The following HAPLN1 variants were observed in gnomAD, a reference collection of about 807,000 sequenced individuals.
HAPLN1 encodes the protein hyaluronan and proteoglycan link protein 1.
HAPLN1 carries 13 observed loss-of-function variants against 36.5 expected under a neutral mutation model. The ratio of observed to expected loss-of-function variants is 0.36; its 90% CI spans 0.23 to 0.57. The LOEUF (loss-of-function observed/expected upper bound fraction) is 0.57. HAPLN1 is among the 20% of genes least tolerant of loss of function. The pLI, the probability that HAPLN1 is intolerant of heterozygous loss-of-function variation, is 0.83. For missense variants in HAPLN1, 407 were observed against 439.7 expected (o/e 0.93, Z 0.66); for synonymous variants, 202 against 169.8 (o/e 1.19, Z -1.48).
intron 1 of HAPLN1, among the ~76,000 whole-genome samples, chr5:83,696,193 A>C (rs562857915): frequency 6.6e-6 from 1 of 152,276 alleles, no homozygotes; most frequent in South Asian, 2.1e-4. Flanking sequence ...TTTAGGGAAA[A>C]ATAGCCAACA....
chr5:83,641,565 C>A lies in HAPLN1; in HGVS notation c.996G>T (p.Val332=), dbSNP rs1263265784. Residue 332 remains valine (V), a synonymous_variant, in exon 5 of 5, where the codon GTG becomes GTT. Transcript: ENST00000274341. ...TTTTATCTGGGAAACCCACGAAGCG[C>A]ACTGCAGCCTCAGTAGGACTGCAGC... ...RRRCSPTEAA[V]RFVGFPDKKH... 6.2e-7 allele frequency: 1 copy of A among 1,614,208 alleles called. No homozygotes were observed. Among genetic ancestry groups the A allele is most frequent in the Non-Finnish European group, 8.5e-7 (1 of 1,180,044 alleles).
At chr5:83,679,662 C>A (rs1028176427) in intron 1 of HAPLN1, among the ~76,000 whole-genome samples, 1 of 152,104 alleles carries the variant, frequency 6.6e-6, no homozygotes, top group South Asian at 2.1e-4. Flanking sequence ...CTACTTACAA[C>A]TATACTAGGA....
At chr5:83,653,935 T>C (rs1173693460) in intron 2 of HAPLN1, among the ~76,000 whole-genome samples, 1 of 152,272 alleles carries the variant, frequency 6.6e-6, no homozygotes, top group African/African-American at 2.4e-5. Context: ...TTTGTGTCTA[T>C]ACACAGCTTT....
At chr5:83,701,214 A>C (rs1399482373) in intron 1 of HAPLN1, among the ~76,000 whole-genome samples, 2 of 152,246 alleles carry the variant, frequency 1.3e-5, no homozygotes, top group African/African-American at 4.8e-5. Flanking sequence ...TGCAGGAAAA[A>C]CATAATGCTT....
intron 1 of HAPLN1, among the ~76,000 whole-genome samples, chr5:83,691,402 A>T (rs920588850): frequency 3.3e-5 from 5 of 152,080 alleles, no homozygotes; most frequent in African/African-American, 1.2e-4. Flanking sequence ...ATCCTAAAGG[A>T]TTAGTCTTCA....
intron 2 of HAPLN1, among the ~76,000 whole-genome samples, chr5:83,664,692 T>C (rs1219158782): frequency 6.6e-6 from 1 of 152,188 alleles, no homozygotes; most frequent in Admixed American, 6.5e-5. Context: ...AAAAAAAACT[T>C]TTATATTTAT....
At chr5:83,647,967 T>C (rs1394835945) in intron 3 of HAPLN1, among the ~76,000 whole-genome samples, 2 of 152,188 alleles carry the variant, frequency 1.3e-5, no homozygotes, top group African/African-American at 4.8e-5. Flanking sequence ...TTTAGCCCCA[T>C]TTTCACCAAT....
At chr5:83,645,923 C>T (rs1239447379) in intron 3 of HAPLN1, among the ~76,000 whole-genome samples, 2 of 152,102 alleles carry the variant, frequency 1.3e-5, no homozygotes, top group Non-Finnish European at 2.9e-5. Context: ...AAGGTAGGTA[C>T]AGAATAGACA....
chr5:83,702,250 T>C (rs770665414), intron 1 of HAPLN1, among the ~76,000 whole-genome samples: 25 of 152,270 alleles, frequency 1.6e-4, no homozygotes, highest in Non-Finnish European at 2.4e-4. Context: ...AATTTGGCTT[T>C]TACTTTGGCC....
intron 3 of HAPLN1, among the ~76,000 whole-genome samples, chr5:83,647,498 C>T (rs1749908719): frequency 6.6e-6 from 1 of 152,062 alleles, no homozygotes; most frequent in Non-Finnish European, 1.5e-5. Context: ...ATTTTTGGAA[C>T]TTCATTATTG....
At chr5:83,649,920 CAAA>C (rs1024048020) in intron 3 of HAPLN1, among the ~76,000 whole-genome samples, 2 of 152,058 alleles carry the variant, frequency 1.3e-5, no homozygotes, top group Non-Finnish European at 2.9e-5. Context: ...GTTTAACAGA[CAAA>C]GAAGTTTACA....
chr5:83,675,590 C>T (rs1314220534), intron 1 of HAPLN1, among the ~76,000 whole-genome samples: 4 of 152,140 alleles, frequency 2.6e-5, no homozygotes, highest in Non-Finnish European at 5.9e-5. Context: ...ATCTATGTAT[C>T]TCCTTTAGTT....
At chr5:83,664,238 A>G (rs1032399134) in intron 2 of HAPLN1, among the ~76,000 whole-genome samples, 2 of 151,420 alleles carry the variant, frequency 1.3e-5, no homozygotes, top group African/African-American at 2.4e-5. Context: ...CTGGTTTTTT[A>G]TGTGACCGTC....
intron 1 of HAPLN1, among the ~76,000 whole-genome samples, chr5:83,713,953 A>T (rs2112641138): frequency 6.6e-6 from 1 of 152,316 alleles, no homozygotes; most frequent in Admixed American, 6.5e-5. Context: ...TATCATTTAC[A>T]TCTTAAAAGA....
intron 3 of HAPLN1, among the ~76,000 whole-genome samples, chr5:83,647,093 C>T (rs1282602358): frequency 1.3e-5 from 2 of 152,148 alleles, no homozygotes; most frequent in Non-Finnish European, 2.9e-5. Context: ...TTGGTGGACT[C>T]TCATAAACAT....
intron 1 of HAPLN1, among the ~76,000 whole-genome samples, chr5:83,712,679 A>G (rs1202727388): frequency 1.3e-5 from 2 of 152,130 alleles, no homozygotes; most frequent in East Asian, 3.8e-4. Context: ...AGTTACAGTA[A>G]CTTTAAGTAG....
chr5:83,650,948 A>G (rs1474114991), intron 3 of HAPLN1, among the ~76,000 whole-genome samples: 4 of 152,028 alleles, frequency 2.6e-5, no homozygotes, highest in Non-Finnish European at 5.9e-5. Context: ...ATTTGACCCT[A>G]TAATGCGTTA....
At chr5:83,654,310 A>G (rs1295897914) in intron 2 of HAPLN1, among the ~76,000 whole-genome samples, 4 of 152,224 alleles carry the variant, frequency 2.6e-5, no homozygotes, top group Non-Finnish European at 5.9e-5. Flanking sequence ...GGCTTCATTT[A>G]TTACTTAGTT....
At chr5:83,677,351 C>A (rs1030606949) in intron 1 of HAPLN1, among the ~76,000 whole-genome samples, 3 of 152,160 alleles carry the variant, frequency 2.0e-5, no homozygotes, top group African/African-American at 4.8e-5. Context: ...TCGTGGGTCC[C>A]CTGACGAGTG....
Sources: allele counts gnomAD v4.1 joint callset (sites outside exome capture counted in the v4.1 genomes callset), GRCh38; gene constraint gnomAD v4.1.1; transcripts MANE v1.5; gene names NCBI Gene and HGNC (gene_info 2026-07-23, HGNC 2026-07-21).